Variants in FSIP2 observed in about 807,000 individuals in gnomAD.
FSIP2 encodes fibrous sheath interacting protein 2, also known as fibrous sheath-interacting protein 2.
In FSIP2, 367 loss-of-function variants were observed where a neutral mutation model predicts 510.5. The observed-to-expected ratio is 0.72, with a 90% CI of 0.66 to 0.78. FSIP2 has a LOEUF of 0.78. FSIP2 is among the 30% of genes least tolerant of loss of function. The probability of loss-of-function intolerance (pLI) is 0.00; values close to 1 mark genes in which losing one functional copy is unlikely to be tolerated. For synonymous variants in FSIP2, 2,601 were observed against 2,732.2 expected (o/e 0.95, Z 1.50); for missense variants, 7,594 against 7,901.7 (o/e 0.96, Z 1.48).
Position 185,807,754 on chromosome 2 carries a change from G to A in FSIP2, c.18448G>A (p.Val6150Ile), listed in dbSNP as rs558463276. ...PHQCVEVENI[V>I]EKILKDVFQT... ...TCAGTGTGTGGAAGTTGAAAACATC[G>A]TTGAAAAGATCCTTAAAGATGTTTT... Residue 6150 changes from valine to isoleucine, a missense_variant, in exon 17 of 23, where the codon GTT (valine) becomes ATT (isoleucine). Physicochemically the swap from Val to Ile is conservative, Grantham distance 29. Transcript: ENST00000424728. The A allele has an allele frequency of 3.9e-5, 63 of 1,612,076 alleles. No individual in the cohort carries two copies. In the East Asian group the frequency reaches 5.4e-4, roughly 14 times the overall value.
intron 13 of FSIP2, among the ~76,000 whole-genome samples, chr2:185,780,063 A>G (rs1045652699): frequency 6.8e-6 from 1 of 147,032 alleles, no homozygotes; most frequent in Admixed American, 6.8e-5. Context: ...ACAGAGCAAC[A>G]CTCCATCTCA....
intron 17 of FSIP2, among the ~76,000 whole-genome samples, chr2:185,810,202 T>C (rs1312000245): frequency 6.6e-6 from 1 of 152,118 alleles, no homozygotes; most frequent in African/African-American, 2.4e-5. Context: ...TATAGTTTGA[T>C]ATTTATCCCT....
At chr2:185,761,161 T>C (rs1349600782) in intron 10 of FSIP2, 58 bp downstream of exon 10, 1 of 655,304 alleles carries the variant, frequency 1.5e-6, no homozygotes, top group Admixed American at 3.0e-5. Flanking sequence ...TACTTAACTT[T>C]TATTTCTATG....
intron 20 of FSIP2, among the ~76,000 whole-genome samples, chr2:185,827,298 TA>T: frequency 6.6e-6 from 1 of 151,976 alleles, no homozygotes; most frequent in Admixed American, 6.6e-5. Flanking sequence ...AAGGGTACTT[TA>T]TATAGTTATT....
At chr2:185,820,416 TGAG>T (rs1362325188) in intron 19 of FSIP2, among the ~76,000 whole-genome samples, 1 of 151,796 alleles carries the variant, frequency 6.6e-6, no homozygotes, top group African/African-American at 2.4e-5. Flanking sequence ...TATAGCAGCA[TGAG>T]AACAGACTAA....
chr2:185,794,162 C>T lies in FSIP2; in HGVS notation c.7026C>T (p.His2342=). 3 of 1,533,890 alleles carry T rather than the reference C, an allele frequency of 2.0e-6. No individual in the cohort carries two copies. In the East Asian group the frequency reaches 7.3e-5, roughly 38 times the overall value. The change falls in exon 16 of 23, where the codon CAC becomes CAT. Residue 2342 remains histidine, a synonymous_variant. Coordinates refer to ENST00000424728, the MANE Select transcript of FSIP2 (RefSeq NM_173651.4). The part of the protein sequence containing the change: ...GRREKLGSTI[H]LSQARLKTYA... ...GAGAAAAACTTGGATCCACAATTCACCTATCGCAAGCTAGGCTTAAGACAT... is the reference window on the plus strand; with the variant it reads ...GAGAAAAACTTGGATCCACAATTCATCTATCGCAAGCTAGGCTTAAGACAT...
rs142610679 is a variant in FSIP2 at position 185,829,494 on chromosome 2, A to G, written c.20517+1295A>G. ...CTGGCATTACATAGATCAACTGGAT[A>G]GAACATAGCTCCTAGAGAAACCATT... On this transcript the variant is annotated intron_variant, in intron 21 of 22. Coordinates refer to ENST00000424728, the MANE Select transcript of FSIP2 (RefSeq NM_173651.4). Among the ~76,000 whole-genome samples the G allele has an allele frequency of 6.2e-4, 94 of 152,132 alleles. 1 individual carries two copies. The highest frequency in any genetic ancestry group is 2.1e-3 in the African/African-American group (89 of 41,560).
Position 185,746,686 on chromosome 2 carries a change from G to A in FSIP2, c.635G>A (p.Ser212Asn), listed in dbSNP as rs1383195376. ...LMRHRYLDMI[S>N]RKLEQLERTA... ...TTACTCAGATATTTGGATATGATAA[G>A]TAGAAAACTAGAACAACTTGAACGC... Residue 212 changes from serine to asparagine, a missense_variant, in exon 6 of 23, where the codon AGT (serine) becomes AAT (asparagine). Ser to Asn is a conservative substitution (Grantham distance 46). Transcript: ENST00000424728. The A allele has an allele frequency of 3.3e-6, 5 of 1,519,110 alleles. No homozygotes were observed. Among genetic ancestry groups the A allele is most frequent in the Admixed American group, 2.1e-5 (1 of 47,146 alleles). The allele number at this position is 1,519,110 out of a possible 1,614,324, so 94.1% of individuals were successfully genotyped here. A position where few individuals can be genotyped will look rare whatever the true frequency, so the allele number is the denominator to read the frequency against.
chr2:185,807,346 G>A lies in FSIP2; in HGVS notation c.18040G>A (p.Glu6014Lys), dbSNP rs374206041. 4.3e-5 allele frequency: 70 copies of A among 1,610,172 alleles called. No individual in the cohort carries two copies. Among genetic ancestry groups the A allele is most frequent in the Non-Finnish European group, 5.8e-5 (68 of 1,178,748 alleles). The change falls in exon 17 of 23, where the codon GAG (glutamate) becomes AAG (lysine). Residue 6014 changes from glutamate (E) to lysine (K), a missense_variant. Glu to Lys is a moderately conservative substitution (Grantham distance 56, BLOSUM62 1). Coordinates refer to ENST00000424728, the MANE Select transcript of FSIP2 (RefSeq NM_173651.4). ...YTIILPHKFL[E>K]NVISALFSKI... ...AATAATATTACCTCATAAATTTTTG[G>A]AGAATGTGATTTCTGCTCTTTTCTC...
In FSIP2 at chr2:185,788,984, C is replaced by T. The variant is rs754201402; in HGVS notation, c.1848C>T (p.His616=). ...VEKTVVGKTC[H]IKGQSIISKH... ...AAACAGTTGTGGGGAAAACATGTCACATAAAAGGACAATCTATAATCTCTA... is the reference window on the plus strand; with the variant it reads ...AAACAGTTGTGGGGAAAACATGTCATATAAAAGGACAATCTATAATCTCTA... The change falls in exon 16 of 23, where the codon CAC becomes CAT. Residue 616 remains histidine, a synonymous_variant. Coordinates refer to ENST00000424728, the MANE Select transcript of FSIP2 (RefSeq NM_173651.4). The T allele has an allele frequency of 2.0e-5, 30 of 1,534,106 alleles. No homozygotes were observed. The highest frequency in any genetic ancestry group is 3.3e-4 in the Middle Eastern group (2 of 6,008).
Position 185,813,906 on chromosome 2 carries a change from C to G in FSIP2, c.20189C>G (p.Thr6730Ser), listed in dbSNP as rs17826666. ...QTTASANIES[T>S]EAISNQVIES... ...ACAGCCAGTGCAAATATTGAAAGTACTGAAGCAATCTCAAATCAGGTAATA... is the reference window on the plus strand; with the variant it reads ...ACAGCCAGTGCAAATATTGAAAGTAGTGAAGCAATCTCAAATCAGGTAATA... Residue 6730 changes from threonine (T) to serine (S), a missense_variant, in exon 18 of 23, where the codon ACT (threonine) becomes AGT (serine). By Grantham distance (58) the Thr-to-Ser change is moderately conservative (BLOSUM62 1). Coordinates refer to ENST00000424728, the MANE Select transcript of FSIP2 (RefSeq NM_173651.4). 2 of 1,613,620 alleles carry G rather than the reference C, an allele frequency of 1.2e-6. No individual in the cohort carries two copies. Among genetic ancestry groups the G allele is most frequent in the South Asian group, 2.2e-5 (2 of 91,068 alleles).
In FSIP2 at chr2:185,790,443, G is replaced by T; in HGVS notation, c.3307G>T (p.Glu1103Ter). 1 of 1,533,302 alleles carries T rather than the reference G, an allele frequency of 6.5e-7. No individual in the cohort carries two copies. Among genetic ancestry groups the T allele is most frequent in the East Asian group, 2.4e-5 (1 of 40,838 alleles). The allele number at this position is 1,533,302 out of a possible 1,614,324, so 95.0% of individuals were successfully genotyped here. The change falls in exon 16 of 23, where the codon GAA (glutamate) becomes TAA (stop). Residue 1103 changes from glutamate to a stop codon, truncating the protein, a stop_gained. Coordinates refer to ENST00000424728, the MANE Select transcript of FSIP2 (RefSeq NM_173651.4). LOFTEE classifies it high-confidence loss of function. ...TFSQDQKHQI[E>*]KASENIVTSI... ...CAGCCAAGATCAAAAGCATCAAATAGAAAAGGCTTCAGAAAACATAGTCAC... is the reference window on the plus strand; with the variant it reads ...CAGCCAAGATCAAAAGCATCAAATATAAAAGGCTTCAGAAAACATAGTCAC...
intron 3 of FSIP2, among the ~76,000 whole-genome samples, chr2:185,743,947 G>T (rs936516850): frequency 1.3e-5 from 2 of 151,980 alleles, no homozygotes; most frequent in African/African-American, 4.8e-5. Flanking sequence ...CTGTGTTCCT[G>T]CATCAGCATC....
In FSIP2 at chr2:185,807,478, G is replaced by C. The variant is rs753697412; in HGVS notation, c.18172G>C (p.Glu6058Gln). ...QMKLVSAVAT[E>Q]ISQDKYMTIQ... is the part of the protein sequence containing the mutation. Reference sequence around the variant, plus strand: ...GAAGTTAGTAAGTGCAGTTGCAACAGAGATCTCCCAAGATAAATATATGAC... The same window carrying C: ...GAAGTTAGTAAGTGCAGTTGCAACACAGATCTCCCAAGATAAATATATGAC... The change falls in exon 17 of 23, where the codon GAG becomes CAG. Residue 6058 changes from glutamate to glutamine, a missense_variant. Coordinates refer to ENST00000424728, the MANE Select transcript of FSIP2 (RefSeq NM_173651.4). The C allele has an allele frequency of 3.1e-6, 5 of 1,612,526 alleles. No homozygotes were observed. Among genetic ancestry groups the C allele is most frequent in the Non-Finnish European group, 3.4e-6 (4 of 1,179,138 alleles).
At chr2:185,756,807 A>G (rs1025186345) in intron 9 of FSIP2, among the ~76,000 whole-genome samples, 3 of 151,472 alleles carry the variant, frequency 2.0e-5, no homozygotes, top group Non-Finnish European at 4.4e-5. Context: ...ACTGAACAGT[A>G]TAACTAATCT....
chr2:185,754,023 A>G (rs1692197031), intron 8 of FSIP2, among the ~76,000 whole-genome samples, 181 bp downstream of exon 8: 1 of 151,510 alleles, frequency 6.6e-6, no homozygotes, highest in Admixed American at 6.6e-5. Context: ...AATGATAACA[A>G]ATTATAACAA....
At chr2:185,773,546 C>G (rs191103411) in intron 13 of FSIP2, among the ~76,000 whole-genome samples, 1 of 152,142 alleles carries the variant, frequency 6.6e-6, no homozygotes, top group Non-Finnish European at 1.5e-5. Context: ...TCAAAATACA[C>G]GTGCTTCAGT....
chr2:185,776,828 G>A (rs112419902), intron 13 of FSIP2, among the ~76,000 whole-genome samples: 1 of 151,532 alleles, frequency 6.6e-6, no homozygotes, highest in East Asian at 1.9e-4. Context: ...TCCGCCTCCC[G>A]GGTTCAAGTG....
At position 185,789,920 on chromosome 2, in the gene FSIP2, T is replaced by G; in HGVS notation, c.2784T>G (p.Ser928=). ...TELNNERIIA[S]EETVVLLQLL... ...TAAATAATGAGAGAATTATTGCATC[T>G]GAAGAAACCGTAGTACTCCTTCAGC... The change falls in exon 16 of 23, where the codon TCT becomes TCG. Residue 928 remains serine (S), a synonymous_variant. Transcript: ENST00000424728. The G allele has an allele frequency of 6.5e-7, 1 of 1,533,930 alleles. No homozygotes were observed. The highest frequency in any genetic ancestry group is 8.7e-7 in the Non-Finnish European group (1 of 1,145,312).
Sources: gnomAD v4.1 joint callset for allele counts (sites outside exome capture counted in the v4.1 genomes callset) on GRCh38, gnomAD v4.1.1 for gene constraint, MANE v1.5 for transcripts, NCBI Gene and HGNC (gene_info 2026-07-23, HGNC 2026-07-21) for gene names.